SNAP29: variants seen among roughly 807,000 people sequenced by gnomAD.
SNAP29 encodes synaptosomal-associated protein 29.
SNAP29 carries 13 observed loss-of-function variants against 27.9 expected under a neutral mutation model. The observed-to-expected ratio is 0.47, with a 90% confidence interval of 0.30 to 0.74. The LOEUF is 0.74. Ranked by LOEUF, SNAP29 falls within the 30% of genes least tolerant of loss-of-function variation. The pLI is 0.06. For synonymous variants in SNAP29, 119 were observed against 127.1 expected (o/e 0.94, Z 0.43); for missense variants, 368 against 336.5 (o/e 1.09, Z -0.73).
intron 1 of SNAP29, among the ~76,000 whole-genome samples, chr22:20,860,582 G>C (rs1928273726): frequency 6.6e-6 from 1 of 151,824 alleles, no homozygotes; most frequent in Non-Finnish European, 1.5e-5. Context: ...CGTTGGCCAG[G>C]CTGGTCTGGA....
Position 20,887,865 on chromosome 22 carries a change from T to C in SNAP29, c.*29T>C, listed in dbSNP as rs749180383. The C allele has an allele frequency of 2.5e-6, 4 of 1,602,956 alleles. No individual in the cohort carries two copies. In the South Asian group the frequency reaches 3.3e-5, roughly 13 times the overall value. ...CAGACGGATTTCCACTCTATTGTGA[T>C]GAAAAGATTTGAAAGATCTTTTTTT... is the stretch of plus-strand genomic sequence containing the variant. On this transcript the variant is annotated 3_prime_UTR_variant, in exon 5 of 5. Transcript: ENST00000215730.
intron 4 of SNAP29, among the ~76,000 whole-genome samples, chr22:20,886,346 C>T (rs1156649492): frequency 1.3e-5 from 2 of 151,864 alleles, no homozygotes; most frequent in Non-Finnish European, 2.9e-5. Context: ...TTTACTCTGT[C>T]GCCCAGGCTA....
chr22:20,870,092 C>G (rs1928551133), intron 1 of SNAP29, among the ~76,000 whole-genome samples: 1 of 151,962 alleles, frequency 6.6e-6, no homozygotes, highest in Admixed American at 6.6e-5. Context: ...TAACATGGCG[C>G]CATGAGCCAG....
At chr22:20,862,837 C>T (rs1928358907) in intron 1 of SNAP29, among the ~76,000 whole-genome samples, 1 of 152,270 alleles carries the variant, frequency 6.6e-6, no homozygotes, top group Non-Finnish European at 1.5e-5. Context: ...GGATGACCTA[C>T]ATCTCCACCA....
chr22:20,879,612 A>G (rs1928841928), intron 2 of SNAP29, among the ~76,000 whole-genome samples: 1 of 151,910 alleles, frequency 6.6e-6, no homozygotes, highest in African/African-American at 2.4e-5. Flanking sequence ...TTGGGAGGCT[A>G]AGGCGGGCGG....
chr22:20,884,607 T>A (rs1048344997), intron 4 of SNAP29, among the ~76,000 whole-genome samples: 2 of 152,168 alleles, frequency 1.3e-5, no homozygotes, highest in African/African-American at 4.8e-5. Context: ...CTCAGGACCC[T>A]TGTGTTTCCA....
intron 2 of SNAP29, among the ~76,000 whole-genome samples, chr22:20,875,019 T>G (rs1483169490): frequency 6.6e-6 from 1 of 152,112 alleles, no homozygotes; most frequent in Non-Finnish European, 1.5e-5. Flanking sequence ...TCACAAAGGC[T>G]GCTTCTGGGG....
chr22:20,878,172 C>T (rs528636430), intron 2 of SNAP29, among the ~76,000 whole-genome samples: 33 of 152,244 alleles, frequency 2.2e-4, no homozygotes, highest in Admixed American at 1.1e-3. Flanking sequence ...AGATGCGCAG[C>T]ACCCATGGGG....
intron 2 of SNAP29, among the ~76,000 whole-genome samples, chr22:20,876,432 A>G (rs1212999676): frequency 6.6e-6 from 1 of 150,528 alleles, no homozygotes; most frequent in Non-Finnish European, 1.5e-5. Context: ...TAATTTTCGT[A>G]TTTTTTGTAG....
At chr22:20,883,845 G>A (rs1928949837) in intron 4 of SNAP29, among the ~76,000 whole-genome samples, 1 of 152,086 alleles carries the variant, frequency 6.6e-6, no homozygotes, top group Non-Finnish European at 1.5e-5. Context: ...AGTATAGCCT[G>A]GACGTGACCG....
At chr22:20,878,324 G>GAGGTCAGGAGATCGAGACCATC (rs1308028626) in intron 2 of SNAP29, among the ~76,000 whole-genome samples, 3 of 152,128 alleles carry the variant, frequency 2.0e-5, no homozygotes. Context: ...GGCAGATCAT[G>GAGGTCAGGAGATCGAGACCATC]AGGTCAGGAG....
intron 1 of SNAP29, among the ~76,000 whole-genome samples, chr22:20,866,038 C>A (rs968410502): frequency 6.6e-6 from 1 of 152,208 alleles, no homozygotes; most frequent in Non-Finnish European, 1.5e-5. Context: ...AGCTTAGGCT[C>A]ACTTGAGCAA....
intron 3 of SNAP29, among the ~76,000 whole-genome samples, chr22:20,881,867 G>C (rs1928900010): frequency 6.6e-6 from 1 of 152,158 alleles, no homozygotes; most frequent in African/African-American, 2.4e-5. Context: ...AGTGTGTTAG[G>C]TTATATGGCA....
At chr22:20,860,232 C>G (rs1353523893) in intron 1 of SNAP29, among the ~76,000 whole-genome samples, 2 of 151,376 alleles carry the variant, frequency 1.3e-5, no homozygotes. Context: ...GGCGGTGCGC[C>G]TGTAGTCGCA....
chr22:20,879,874 AAGCC>A (rs1223124663), intron 2 of SNAP29, among the ~76,000 whole-genome samples: 1 of 131,542 alleles, frequency 7.6e-6, no homozygotes, highest in African/African-American at 3.0e-5. Flanking sequence ...AAAAAAAAAA[AAGCC>A]AGGCAGGGTG....
intron 1 of SNAP29, among the ~76,000 whole-genome samples, chr22:20,869,217 G>A (rs984253331): frequency 3.3e-5 from 5 of 152,178 alleles, no homozygotes; most frequent in Admixed American, 6.5e-5. Flanking sequence ...CTAATATCAC[G>A]CCACTGCACT....
chr22:20,865,554 A>G (rs1004953631), intron 1 of SNAP29, among the ~76,000 whole-genome samples: 4 of 152,178 alleles, frequency 2.6e-5, no homozygotes, highest in African/African-American at 9.7e-5. Flanking sequence ...CTGAGCGGCC[A>G]TCTGCTATAC....
At position 20,882,167 on chromosome 22, in the gene SNAP29, G is replaced by C; in HGVS notation, c.520+1033G>C. ...AGGAGTGCAACCCTGAGGACACCCC[G>C]ACTCAGCCCAGTGAGACCCATGTTG... On this transcript the variant is annotated intron_variant, in intron 3 of 4. Coordinates refer to ENST00000215730, the MANE Select transcript of SNAP29 (RefSeq NM_004782.4). Among the ~76,000 whole-genome samples the C allele has an allele frequency of 2.0e-5, 3 of 151,872 alleles. No individual in the cohort carries two copies. The Middle Eastern group carries it at 0.01, about 517-fold the overall frequency.
At chr22:20,860,326 C>A (rs955954860) in intron 1 of SNAP29, among the ~76,000 whole-genome samples, 2 of 151,396 alleles carry the variant, frequency 1.3e-5, no homozygotes, top group African/African-American at 4.8e-5. Flanking sequence ...TGCTGCACTC[C>A]AGCATGGGCA....
Sources: gnomAD v4.1 joint callset for allele counts (sites outside exome capture counted in the v4.1 genomes callset) on GRCh38, gnomAD v4.1.1 for gene constraint, MANE v1.5 for transcripts, NCBI Gene and HGNC (gene_info 2026-07-23, HGNC 2026-07-21) for gene names.